The following EHMT1 variants were observed in gnomAD, a reference collection of about 807,000 sequenced individuals.
EHMT1 encodes the protein histone-lysine N-methyltransferase EHMT1.
A neutral mutation model predicts 147.2 loss-of-function variants in EHMT1; 15 were observed. The observed-to-expected ratio is 0.10, with a 90% CI of 0.07 to 0.16. EHMT1 has a LOEUF of 0.16. Among genes scored for constraint, EHMT1 ranks in the 10% least tolerant of loss-of-function variants. The pLI is 1.00. For missense variants in EHMT1, 1,587 were observed against 1,772.4 expected, an observed-to-expected ratio of 0.90 and a Z score of 1.88; for synonymous variants, 795 against 709.6, an observed-to-expected ratio of 1.12 and a Z score of -1.91.
intron 1 of EHMT1, among the ~76,000 whole-genome samples, chr9:137,654,190 C>T (rs1246219051): frequency 1.3e-5 from 2 of 152,074 alleles, no homozygotes; most frequent in Non-Finnish European, 1.5e-5. Flanking sequence ...ATGGCGAAAC[C>T]CCATCTCTAC....
chr9:137,707,401 C>G (rs1339369366), intron 1 of EHMT1, among the ~76,000 whole-genome samples: 1 of 152,246 alleles, frequency 6.6e-6, no homozygotes, highest in South Asian at 2.1e-4. Context: ...CCTGGTCTGT[C>G]TGCCTCTGCT....
In EHMT1 at chr9:137,787,738, G is replaced by C. The variant is rs964167934; in HGVS notation, c.2383-3110G>C. ...GTCCCCAGGGTGCCACCGAAACATCGTAGATGCTTTTGTTGGGTGACACAC... is the reference window on the plus strand; with the variant it reads ...GTCCCCAGGGTGCCACCGAAACATCCTAGATGCTTTTGTTGGGTGACACAC... On this transcript the variant is annotated intron_variant, in intron 15 of 26. Coordinates refer to ENST00000460843, the MANE Select transcript of EHMT1 (RefSeq NM_024757.5). This position sits in a 1 kb window ranked among gnomAD's most constrained non-coding sequence, Gnocchi z 4.2. 1.3e-6 allele frequency: 1 copy of C among 764,684 alleles called. No individual in the cohort carries two copies. Among genetic ancestry groups the C allele is most frequent in the African/African-American group, 1.7e-5 (1 of 58,586 alleles). The allele number at this position is 764,684 out of a possible 1,614,324, so 47.4% of individuals were successfully genotyped here. A position where few individuals can be genotyped will look rare whatever the true frequency, so the allele number is the denominator to read the frequency against.
chr9:137,630,674 C>T (rs1843569472), intron 1 of EHMT1, among the ~76,000 whole-genome samples: 1 of 152,064 alleles, frequency 6.6e-6, no homozygotes, highest in African/African-American at 2.4e-5. Flanking sequence ...TTCCTCTGTC[C>T]CGTATTGTCT....
chr9:137,800,221 G>A (rs1247790662), intron 17 of EHMT1, among the ~76,000 whole-genome samples: 1 of 152,200 alleles, frequency 6.6e-6, no homozygotes, highest in Non-Finnish European at 1.5e-5. Flanking sequence ...CAGAAAAGTT[G>A]CCTTTTTCTG....
chr9:137,662,791 TA>T (rs1465775020), intron 1 of EHMT1, among the ~76,000 whole-genome samples: 47 of 146,776 alleles, frequency 3.2e-4, no homozygotes, highest in Non-Finnish European at 5.7e-4. Context: ...TTTATTTATT[TA>T]TTTATTTATT....
At chr9:137,627,429 A>C (rs1031251114) in intron 1 of EHMT1, among the ~76,000 whole-genome samples, 1 of 148,270 alleles carries the variant, frequency 6.7e-6, no homozygotes, top group Non-Finnish European at 1.5e-5. Flanking sequence ...CTCCGGGATA[A>C]TTTTTTTGTA....
Position 137,776,757 on chromosome 9 carries a change from AAGC to A in EHMT1, c.1934_1936del (p.Ala645del). The A allele has an allele frequency of 6.2e-7, 1 of 1,614,050 alleles. No individual in the cohort carries two copies. The highest frequency in any genetic ancestry group is 1.6e-4 in the Middle Eastern group (1 of 6,062). The stretch of plus-strand genomic sequence containing the variant: ...AAGGCCAAAGAGGTGACGATAGCTA[AAGC>A]AGACACCACCTCGACCGTGACACCA... On this transcript the variant is annotated inframe_deletion, in exon 12 of 27. Transcript: ENST00000460843. The surrounding 1 kb of genome is among the most constrained non-coding windows in gnomAD (Gnocchi z 4.4).
chr9:137,731,523 C>A lies in EHMT1; in HGVS notation c.823+2994C>A, dbSNP rs1035124116. Among the ~76,000 whole-genome samples, 1 of 152,128 alleles carries A rather than the reference C, an allele frequency of 6.6e-6. No individual in the cohort carries two copies. The highest frequency in any genetic ancestry group is 1.5e-5 in the Non-Finnish European group (1 of 68,022). Reference sequence around the variant, plus strand: ...CCCCGGGGGTGCAGAGTCCACTTATCGGGATGGCAGAGAGAGACAAAGGCC... The same window carrying A: ...CCCCGGGGGTGCAGAGTCCACTTATAGGGATGGCAGAGAGAGACAAAGGCC... On this transcript the variant is annotated intron_variant, in intron 4 of 26. Transcript: ENST00000460843. This position sits in a 1 kb window ranked among gnomAD's most constrained non-coding sequence, Gnocchi z 4.3.
chr9:137,822,963 T>C (rs1955539722), intron 25 of EHMT1, among the ~76,000 whole-genome samples: 1 of 151,746 alleles, frequency 6.6e-6, no homozygotes, highest in Admixed American at 6.6e-5. Flanking sequence ...GGAGTTTCGC[T>C]CTTGTCGCCC....
In EHMT1 at chr9:137,731,725, G is replaced by A. The variant is rs1045305265; in HGVS notation, c.823+3196G>A. Among the ~76,000 whole-genome samples the A allele has an allele frequency of 7.2e-5, 11 of 152,222 alleles. No individual in the cohort carries two copies. Among genetic ancestry groups the A allele is most frequent in the African/African-American group, 2.6e-4 (11 of 41,542 alleles). The stretch of plus-strand genomic sequence containing the variant: ...CCACTCGGCCCAGCAGGCTGTACTT[G>A]GCTCATGCTACCGGCCCAGATCCCA... On this transcript the variant is annotated intron_variant, in intron 4 of 26. Coordinates refer to ENST00000460843, the MANE Select transcript of EHMT1 (RefSeq NM_024757.5). This position sits in a 1 kb window ranked among gnomAD's most constrained non-coding sequence, Gnocchi z 4.3.
At chr9:137,819,571 G>A (rs1955220664) in intron 25 of EHMT1, among the ~76,000 whole-genome samples, 1 of 71,042 alleles carries the variant, frequency 1.4e-5, no homozygotes, top group Non-Finnish European at 2.4e-5. Flanking sequence ...ACCGTAGAGA[G>A]GCCGACTGAG....
Position 137,717,128 on chromosome 9 carries a change from C to G in EHMT1, c.588C>G (p.Ala196=). The change falls in exon 3 of 27, where the codon GCC becomes GCG. Residue 196 remains alanine, a synonymous_variant. Coordinates refer to ENST00000460843, the MANE Select transcript of EHMT1 (RefSeq NM_024757.5). ...TEDRKLPAPG[A]DVKVHRARKT... is the part of the protein sequence containing the mutation. ...ACAGGAAGCTCCCGGCCCCTGGCGC[C>G]GACGTCAAGGTCCACAGGGCACGCA... The G allele has an allele frequency of 6.2e-7, 1 of 1,612,494 alleles. No individual in the cohort carries two copies. Among genetic ancestry groups the G allele is most frequent in the Non-Finnish European group, 8.5e-7 (1 of 1,179,934 alleles).
In EHMT1 at chr9:137,750,477, CA is replaced by C. The variant is rs367626689; in HGVS notation, c.1171-1846del. Among the ~76,000 whole-genome samples the C allele has an allele frequency of 5.0e-3, 751 of 151,294 alleles. 3 individuals are homozygous for C. The highest frequency in any genetic ancestry group is 0.014 in the Middle Eastern group (4 of 294). Reference sequence around the variant, plus strand: ...GAGTACCTAGAAATAAACTTAACAACAAAAAAAAGAGTGTTCCTTGTTAATG... The same window carrying C: ...GAGTACCTAGAAATAAACTTAACAACAAAAAAAGAGTGTTCCTTGTTAATG... On this transcript the variant is annotated intron_variant, in intron 6 of 26. Coordinates refer to ENST00000460843, the MANE Select transcript of EHMT1 (RefSeq NM_024757.5).
intron 1 of EHMT1, among the ~76,000 whole-genome samples, chr9:137,686,368 T>G (rs1254710258): frequency 6.6e-6 from 1 of 152,146 alleles, no homozygotes; most frequent in African/African-American, 2.4e-5. Context: ...TTATCTATTT[T>G]GAGGCAGTTT....
At chr9:137,832,078 G>A (rs981126511) in intron 25 of EHMT1, among the ~76,000 whole-genome samples, 8 of 147,176 alleles carry the variant, frequency 5.4e-5, no homozygotes, top group Admixed American at 2.7e-4. Flanking sequence ...CGCCTCCTAC[G>A]TGGCCGCTGC....
intron 16 of EHMT1, among the ~76,000 whole-genome samples, chr9:137,792,440 C>CAG (rs1483501390): frequency 6.6e-6 from 1 of 152,166 alleles, no homozygotes; most frequent in East Asian, 1.9e-4. Context: ...CGTGGTGGCT[C>CAG]ACGCCTGTAA....
rs536443645 is a variant in EHMT1, at chr9:137,671,922, C to G, written c.22-39045C>G. On this transcript the variant is annotated intron_variant, in intron 1 of 26. Transcript: ENST00000460843. ...CCCCGACATGTGGCTGTGGAGAGGC[C>G]GTGGCCCCTTAGTCCTTGTGTTCGT... 8.8e-3 allele frequency among the ~76,000 whole-genome samples: 1,340 copies of G among 152,292 alleles called. 10 individuals are homozygous for G. The highest frequency in any genetic ancestry group is 0.015 in the Non-Finnish European group (1,013 of 68,032).
Position 137,834,913 on chromosome 9 carries a change from T to A in EHMT1, c.3857T>A (p.Leu1286Ter). 20 of 1,589,372 alleles carry A rather than the reference T, an allele frequency of 1.3e-5. No individual in the cohort carries two copies. Among genetic ancestry groups the A allele is most frequent in the Non-Finnish European group, 1.7e-5 (20 of 1,169,830 alleles). Residue 1286 changes from leucine to a stop codon, truncating the protein, a stop_gained, in exon 27 of 27, where the codon TTG becomes TAG. Transcript: ENST00000460843. LOFTEE classifies it high-confidence loss of function. ...GCCCAGGAGGCCCAGGAGGACGGCT[T>A]GCCCGACACCAGCTCCGCGGCTGCC... is the stretch of plus-strand genomic sequence containing the variant. ...SAAQEAQEDG[L>*]PDTSSAAAAD...
At chr9:137,825,432 C>G (rs1955744567) in intron 25 of EHMT1, among the ~76,000 whole-genome samples, 2 of 152,164 alleles carry the variant, frequency 1.3e-5, no homozygotes. Context: ...TTACCATTTC[C>G]TGGCTGGGTC....
Sources: gnomAD v4.1 joint callset for allele counts (sites outside exome capture counted in the v4.1 genomes callset) on GRCh38, gnomAD v4.1.1 for gene constraint, Gnocchi (gnomAD v3.1) non-coding constraint, MANE v1.5 for transcripts, NCBI Gene and HGNC (gene_info 2026-07-23, HGNC 2026-07-21) for gene names.